Variants in ZNF26 observed in about 807,000 individuals in gnomAD.
The protein encoded by ZNF26 is epididymis luminal protein 179.
ZNF26 carries 32 observed loss-of-function variants against 54.9 expected under a neutral mutation model. The observed-to-expected ratio is 0.58, with a 90% CI of 0.44 to 0.78. ZNF26 has a LOEUF of 0.78. Among genes scored for constraint, ZNF26 ranks in the 30% least tolerant of loss-of-function variants. The probability of loss-of-function intolerance (pLI) is 0.00; values close to 1 mark genes in which losing one functional copy is unlikely to be tolerated. For missense variants in ZNF26, 524 were observed against 634.0 expected (o/e 0.83, Z 1.86); for synonymous variants, 221 against 209.2 (o/e 1.06, Z -0.49).
At position 133,010,566 on chromosome 12, in the gene ZNF26, C is replaced by G. The variant is rs1030813400; in HGVS notation, c.687C>G (p.Pro229=). The G allele has an allele frequency of 7.2e-4, 1,166 of 1,614,148 alleles. 2 individuals are homozygous for G. Among genetic ancestry groups the G allele is most frequent in the South Asian group, 2.2e-3 (202 of 91,084 alleles). ...AGAGAGTTCATACAGGAGAAAAACC[C>G]TACTCATGTAGTGAGTGCGAGAAGG... ...AHQRVHTGEK[P]YSCSECEKVF... The change falls in exon 4 of 4, where the codon CCC becomes CCG. Residue 229 remains proline (P), a synonymous_variant. Transcript: ENST00000328654.
chr12:133,024,227 T>C lies in ZNF26; in HGVS notation c.*12746T>C, dbSNP rs1207353685. The stretch of plus-strand genomic sequence containing the variant: ...ATCTGAAAGGCCCTTGAGTAAAATA[T>C]CAGTAAAACCCAGTGGGCTTTGGGG... On this transcript the variant is annotated 3_prime_UTR_variant, in exon 4 of 4. Coordinates refer to ENST00000328654, the MANE Select transcript of ZNF26 (RefSeq NM_019591.4). 6 of 152,174 alleles carry C rather than the reference T, an allele frequency of 3.9e-5. No homozygotes were observed. The highest frequency in any genetic ancestry group is 5.9e-5 in the Non-Finnish European group (4 of 68,030). 9.4% of individuals were successfully genotyped at this position (152,174 alleles called of 1,614,324 possible).
intron 1 of ZNF26, among the ~76,000 whole-genome samples, chr12:132,994,860 G>GA (rs776373765): frequency 6.6e-6 from 1 of 152,132 alleles, no homozygotes; most frequent in Admixed American, 6.5e-5. Flanking sequence ...TGTTGTGGAG[G>GA]AACGTCCTGT....
chr12:133,006,267 G>A (rs923517491), intron 1 of ZNF26: 4 of 985,294 alleles, frequency 4.1e-6, no homozygotes, highest in Non-Finnish European at 3.6e-6. Flanking sequence ...CCTGCAAGTA[G>A]AAGGATAAAC....
rs1292816048 is a variant in ZNF26 at position 133,012,040 on chromosome 12, C to A, written c.*559C>A. On this transcript the variant is annotated 3_prime_UTR_variant, in exon 4 of 4. Transcript: ENST00000328654. ...TATTTTTTAATGTAACTTGTTCTAT[C>A]TATCTATATATATATTTGATAGTTT... The A allele has an allele frequency of 6.6e-6, 1 of 152,270 alleles. No homozygotes were observed. The highest frequency in any genetic ancestry group is 2.4e-5 in the African/African-American group (1 of 41,548). 9.4% of individuals were successfully genotyped at this position (152,270 alleles called of 1,614,324 possible). A position where few individuals can be genotyped will look rare whatever the true frequency, so the allele number is the denominator to read the frequency against.
intron 1 of ZNF26, among the ~76,000 whole-genome samples, chr12:133,003,054 T>C (rs1953252492): frequency 6.6e-6 from 1 of 152,136 alleles, no homozygotes; most frequent in Middle Eastern, 3.2e-3. Context: ...TTTAGCTGTT[T>C]ACAGTTCACA....
intron 1 of ZNF26, chr12:133,006,461 GCATGTATAAATGTTCATTCCCATCTA>G (rs1168122100): frequency 1.5e-5 from 3 of 201,134 alleles, no homozygotes; most frequent in African/African-American, 4.7e-5. Context: ...TATTTTGTTT[GCATGTATAAATGTTCATTCCCATCTA>G]CAAGATAGAA....
rs4061954 is a variant in ZNF26, at chr12:133,026,815, T to C, written c.*15334T>C. 140,041 of 152,218 alleles carry C rather than the reference T, an allele frequency of 0.92. 64,759 individuals are homozygous for C. The highest frequency in any genetic ancestry group is 1 in the East Asian group (5,163 of 5,170). 9.4% of individuals were successfully genotyped at this position (152,218 alleles called of 1,614,324 possible). A position where few individuals can be genotyped will look rare whatever the true frequency, so the allele number is the denominator to read the frequency against. On this transcript the variant is annotated 3_prime_UTR_variant, in exon 4 of 4. Transcript: ENST00000328654. Reference sequence around the variant, plus strand: ...GTGCTGGGATTACAGGCATGAGCCATTGCATCTGGCCTAGTTCAACTTTAT... The same window carrying C: ...GTGCTGGGATTACAGGCATGAGCCACTGCATCTGGCCTAGTTCAACTTTAT...
chr12:133,007,475 G>A lies in ZNF26; in HGVS notation c.199G>A (p.Glu67Lys). Residue 67 changes from glutamate to lysine, a missense_variant, in exon 3 of 4, where the codon GAA (glutamate) becomes AAA (lysine). Transcript: ENST00000328654. ...GTKPDLIFKL[E>K]QGEDPWIINA... ...CAAGCCTGACTTAATCTTCAAGTTG[G>A]AACAAGGAGAAGATCCATGGATAAT... 1 of 1,613,872 alleles carries A rather than the reference G, an allele frequency of 6.2e-7. No homozygotes were observed. Among genetic ancestry groups the A allele is most frequent in the Non-Finnish European group, 8.5e-7 (1 of 1,179,882 alleles).
rs909425621 is a variant in ZNF26 at position 132,987,643 on chromosome 12, A to G, written c.33+770A>G. On this transcript the variant is annotated intron_variant, in intron 1 of 3. Transcript: ENST00000328654. ...TGGGAATGACTTTCGCAGGTGTTGA[A>G]TATCCAATGCCTGTATTTCAGCCTG... is the stretch of plus-strand genomic sequence containing the variant. The G allele has an allele frequency of 1.9e-4, 179 of 948,658 alleles. 1 individual carries two copies. In the South Asian group the frequency reaches 5.5e-3, roughly 29 times the overall value. 58.8% of individuals were successfully genotyped at this position (948,658 alleles called of 1,614,324 possible).
intron 1 of ZNF26, among the ~76,000 whole-genome samples, chr12:133,004,016 C>T (rs750339046): frequency 0.018 from 2,717 of 152,254 alleles, 83 homozygotes; most frequent in African/African-American, 0.061. Flanking sequence ...TGATATCTTT[C>T]TTCATTTCTT....
At position 133,011,141 on chromosome 12, in the gene ZNF26, C is replaced by A. The variant is rs1355139283; in HGVS notation, c.1262C>A (p.Thr421Asn). The change falls in exon 4 of 4, where the codon ACC (threonine) becomes AAC (asparagine). Residue 421 changes from threonine (T) to asparagine (N), a missense_variant. Physicochemically the swap from Thr to Asn is moderately conservative, Grantham distance 65. Transcript: ENST00000328654. ...SYLVIHRRTH[T>N]GERPYECSLC... Reference sequence around the variant, plus strand: ...CTTGTTATACATAGGAGAACACACACCGGAGAGAGACCCTATGAATGTAGT... The same window carrying A: ...CTTGTTATACATAGGAGAACACACAACGGAGAGAGACCCTATGAATGTAGT... 5.0e-6 allele frequency: 8 copies of A among 1,614,012 alleles called. No individual in the cohort carries two copies. Among genetic ancestry groups the A allele is most frequent in the Non-Finnish European group, 1.7e-6 (2 of 1,180,020 alleles).
rs1267363984 is a variant in ZNF26, at chr12:133,001,206, C to T, written c.34-5836C>T. 5.9e-5 allele frequency among the ~76,000 whole-genome samples: 9 copies of T among 152,136 alleles called. No individual in the cohort carries two copies. Among genetic ancestry groups the T allele is most frequent in the Admixed American group, 4.6e-4 (7 of 15,248 alleles). ...CTGTCAGCCCTTCCCTAGTGCTCGT[C>T]GTGAGGAGAGCTGATGATGCTCTGG... On this transcript the variant is annotated intron_variant, in intron 1 of 3. Transcript: ENST00000328654. The surrounding 1 kb of genome is among the most constrained non-coding windows in gnomAD (Gnocchi z 4.7).
Position 133,019,445 on chromosome 12 carries a change from T to C in ZNF26, c.*7964T>C, listed in dbSNP as rs1242640701. On this transcript the variant is annotated 3_prime_UTR_variant, in exon 4 of 4. Transcript: ENST00000328654. ...ACGTTTCTCAGAGAAGACATGCAAA[T>C]GTCTAACAGGTATATGAAAAAATGC... 2.0e-5 allele frequency: 3 copies of C among 152,048 alleles called. No individual in the cohort carries two copies. The highest frequency in any genetic ancestry group is 6.5e-5 in the Admixed American group (1 of 15,270). 9.4% of individuals were successfully genotyped at this position (152,048 alleles called of 1,614,324 possible).
chr12:133,011,034 C>T lies in ZNF26; in HGVS notation c.1155C>T (p.Leu385=). Residue 385 remains leucine, a synonymous_variant, in exon 4 of 4, where the codon CTC becomes CTT. Transcript: ENST00000328654. ...AAGCCTTTGGTAGGAAGGAACAGCT[C>T]ACTGCACATCTGAGAGCTCATGCAG... is the stretch of plus-strand genomic sequence containing the variant. ...CGKAFGRKEQ[L]TAHLRAHAGE... is the part of the protein sequence containing the mutation. 1 of 1,614,112 alleles carries T rather than the reference C, an allele frequency of 6.2e-7. No homozygotes were observed. Among genetic ancestry groups the T allele is most frequent in the Non-Finnish European group, 8.5e-7 (1 of 1,180,020 alleles).
Position 133,001,316 on chromosome 12 carries a change from T to G in ZNF26, c.34-5726T>G, listed in dbSNP as rs988132304. Among the ~76,000 whole-genome samples the G allele has an allele frequency of 1.8e-4, 28 of 152,156 alleles. No individual in the cohort carries two copies. Among genetic ancestry groups the G allele is most frequent in the Non-Finnish European group, 3.2e-4 (22 of 68,032 alleles). ...CACTCTCACTCCAAGCTCTTGTACC[T>G]CCCCTCATTCTAGCCTGCAGAGGGG... On this transcript the variant is annotated intron_variant, in intron 1 of 3. Transcript: ENST00000328654. The surrounding 1 kb of genome is among the most constrained non-coding windows in gnomAD (Gnocchi z 4.7).
intron 2 of ZNF26, 122 bp from the exon 3 acceptor site, chr12:133,007,315 C>T: frequency 1.5e-6 from 2 of 1,299,698 alleles, no homozygotes; most frequent in Non-Finnish European, 2.2e-6. Flanking sequence ...CCCTGTTTGT[C>T]CCACACTTCC....
rs1345242504 is a variant in ZNF26 at position 133,024,914 on chromosome 12, A to AACTTT, written c.*13436_*13440dup. On this transcript the variant is annotated 3_prime_UTR_variant, in exon 4 of 4. Coordinates refer to ENST00000328654, the MANE Select transcript of ZNF26 (RefSeq NM_019591.4). ...ACACGTTCTTAAAAACAGTGATGCTAACTTTACAGATAAGGACAAACTGTA... is the reference window on the plus strand; with the variant it reads ...ACACGTTCTTAAAAACAGTGATGCTAACTTTACTTTACAGATAAGGACAAACTGTA... 1.3e-5 allele frequency: 2 copies of AACTTT among 152,212 alleles called. No individual in the cohort carries two copies. Among genetic ancestry groups the AACTTT allele is most frequent in the Non-Finnish European group, 2.9e-5 (2 of 68,034 alleles). 9.4% of individuals were successfully genotyped at this position (152,212 alleles called of 1,614,324 possible). A position where few individuals can be genotyped will look rare whatever the true frequency, so the allele number is the denominator to read the frequency against.
At position 133,012,048 on chromosome 12, in the gene ZNF26, A is replaced by G. The variant is rs1281861542; in HGVS notation, c.*567A>G. 2 of 152,252 alleles carry G rather than the reference A, an allele frequency of 1.3e-5. No individual in the cohort carries two copies. Among genetic ancestry groups the G allele is most frequent in the Admixed American group, 6.5e-5 (1 of 15,288 alleles). 9.4% of individuals were successfully genotyped at this position (152,252 alleles called of 1,614,324 possible). ...AATGTAACTTGTTCTATCTATCTAT[A>G]TATATATTTGATAGTTTGTGGAATA... On this transcript the variant is annotated 3_prime_UTR_variant, in exon 4 of 4. Coordinates refer to ENST00000328654, the MANE Select transcript of ZNF26 (RefSeq NM_019591.4).
In ZNF26 at chr12:133,026,049, G is replaced by A. The variant is rs2137291001; in HGVS notation, c.*14568G>A. The A allele has an allele frequency of 6.6e-6, 1 of 151,878 alleles. No homozygotes were observed. The highest frequency in any genetic ancestry group is 6.5e-5 in the Admixed American group (1 of 15,268). 9.4% of individuals were successfully genotyped at this position (151,878 alleles called of 1,614,324 possible). A position where few individuals can be genotyped will look rare whatever the true frequency, so the allele number is the denominator to read the frequency against. On this transcript the variant is annotated 3_prime_UTR_variant, in exon 4 of 4. Transcript: ENST00000328654. ...TCTAGATCTAGCCTTAGAAAAAGCT[G>A]CCTAGCTGAGCCTATCTTGAATTTC...
Sources: gnomAD v4.1 joint callset for allele counts (sites outside exome capture counted in the v4.1 genomes callset) on GRCh38, gnomAD v4.1.1 for gene constraint, Gnocchi (gnomAD v3.1) non-coding constraint, MANE v1.5 for transcripts, NCBI Gene and HGNC (gene_info 2026-07-23, HGNC 2026-07-21) for gene names.